TGS1: variants seen among roughly 807,000 people sequenced by gnomAD.
TGS1 encodes the protein trimethylguanosine synthase.
In TGS1, 69 loss-of-function variants were observed where a neutral mutation model predicts 92.2. That is an observed-to-expected ratio of 0.75 (90% CI 0.62 to 0.91). TGS1 has a LOEUF of 0.91. Among genes scored for constraint, TGS1 ranks in the 40% least tolerant of loss-of-function variants. The pLI is 0.00. For synonymous variants in TGS1, 345 were observed against 338.1 expected, an observed-to-expected ratio of 1.02 and a Z score of -0.22; for missense variants, 1,062 against 1,001.2, an observed-to-expected ratio of 1.06 and a Z score of -0.82.
At chr8:55,815,272 G>T (rs2130242744) in intron 12 of TGS1, among the ~76,000 whole-genome samples, 1 of 152,258 alleles carries the variant, frequency 6.6e-6, no homozygotes, top group East Asian at 1.9e-4. Flanking sequence ...AGGGAGTAAT[G>T]ACACTAGGGA....
chr8:55,787,683 G>A (rs940228354), intron 4 of TGS1, among the ~76,000 whole-genome samples: 6 of 152,186 alleles, frequency 3.9e-5, no homozygotes, highest in African/African-American at 7.2e-5. Flanking sequence ...ATCTGAGTAC[G>A]GTGCGATGAG....
intron 11 of TGS1, among the ~76,000 whole-genome samples, chr8:55,811,665 G>A (rs904288744): frequency 2.6e-5 from 4 of 152,006 alleles, no homozygotes; most frequent in African/African-American, 7.3e-5. Context: ...GGAGGCTGAG[G>A]CAGGAGAATC....
At position 55,826,301 on chromosome 8, in the gene TGS1, C is replaced by T. The variant is rs924086716; in HGVS notation, c.*1598C>T. Among the ~76,000 whole-genome samples the T allele has an allele frequency of 1.3e-4, 20 of 152,070 alleles. No homozygotes were observed. The highest frequency in any genetic ancestry group is 4.3e-4 in the African/African-American group (18 of 41,398). ...TTTTCTTACTTGTATATTAATAAAGCTAACTCATCTTCCTGAATATACATG... is the reference window on the plus strand; with the variant it reads ...TTTTCTTACTTGTATATTAATAAAGTTAACTCATCTTCCTGAATATACATG... On this transcript the variant is annotated 3_prime_UTR_variant, in exon 13 of 13. Transcript: ENST00000260129.
intron 4 of TGS1, 84 bp downstream of exon 4, chr8:55,787,144 T>C (rs1811743857): frequency 1.1e-6 from 1 of 876,044 alleles, no homozygotes; most frequent in African/African-American, 1.7e-5. Context: ...TCCTTTATTG[T>C]AGAGTTAAAT....
Position 55,803,439 on chromosome 8 carries a change from A to G in TGS1, c.1999+833A>G, listed in dbSNP as rs146996167. On this transcript the variant is annotated intron_variant, in intron 9 of 12. Transcript: ENST00000260129. Reference sequence around the variant, plus strand: ...TATCAAAATCAGAAGTTCTTGATCTATGATGGAATTTCAGGGGTTCTCTGA... The same window carrying G: ...TATCAAAATCAGAAGTTCTTGATCTGTGATGGAATTTCAGGGGTTCTCTGA... Among the ~76,000 whole-genome samples, 613 of 152,334 alleles carry G rather than the reference A, an allele frequency of 4.0e-3. 3 individuals carry two copies. Among genetic ancestry groups the G allele is most frequent in the Admixed American group, 7.1e-3 (109 of 15,306 alleles).
intron 6 of TGS1, among the ~76,000 whole-genome samples, chr8:55,794,641 CAT>C: frequency 6.6e-6 from 1 of 152,138 alleles, no homozygotes; most frequent in East Asian, 1.9e-4. Context: ...CTGCTGTGAA[CAT>C]TTGTGTATAA....
intron 6 of TGS1, among the ~76,000 whole-genome samples, chr8:55,793,349 G>T (rs1811935822): frequency 1.3e-5 from 2 of 152,250 alleles, no homozygotes; most frequent in East Asian, 3.9e-4. Context: ...AAAATTAGCT[G>T]GGTTTAGTGG....
At chr8:55,789,609 T>G (rs1444983453) in intron 4 of TGS1, among the ~76,000 whole-genome samples, 1 of 152,168 alleles carries the variant, frequency 6.6e-6, no homozygotes, top group East Asian at 1.9e-4. Context: ...CAAATTAAAT[T>G]TAATAGAGTT....
chr8:55,780,423 T>G (rs751155204), intron 1 of TGS1, among the ~76,000 whole-genome samples: 18 of 152,154 alleles, frequency 1.2e-4, no homozygotes, highest in Non-Finnish European at 2.4e-4. Context: ...GGGTCATGCC[T>G]TAGCAGGAGT....
chr8:55,807,504 G>A (rs1055008890), intron 10 of TGS1, among the ~76,000 whole-genome samples: 5 of 149,900 alleles, frequency 3.3e-5, no homozygotes, highest in Admixed American at 6.8e-5. Context: ...CATAAAGCAG[G>A]GGTTTTTTTT....
At position 55,813,382 on chromosome 8, in the gene TGS1, T is replaced by C. The variant is rs527992468; in HGVS notation, c.2439+264T>C. Among the ~76,000 whole-genome samples the C allele has an allele frequency of 3.8e-4, 58 of 152,346 alleles. 2 individuals carry two copies. In the South Asian group the frequency reaches 5.0e-3, roughly 13 times the overall value. On this transcript the variant is annotated intron_variant, in intron 12 of 12. Coordinates refer to ENST00000260129, the MANE Select transcript of TGS1 (RefSeq NM_024831.8). ...ATTGAAAGGATGATTGAATGTGTTG[T>C]GCTTCAAATGCTGCATAGTTAAACT... is the stretch of plus-strand genomic sequence containing the variant.
chr8:55,784,131 A>G (rs555980776), intron 2 of TGS1, among the ~76,000 whole-genome samples: 124 of 152,340 alleles, frequency 8.1e-4, no homozygotes, highest in African/African-American at 2.8e-3. Context: ...GCTGGAGTGC[A>G]GCCCAATGCT....
chr8:55,776,165 G>T (rs1240114442), intron 1 of TGS1, among the ~76,000 whole-genome samples: 1 of 152,178 alleles, frequency 6.6e-6, no homozygotes, highest in East Asian at 1.9e-4. Context: ...AACTCTAAGG[G>T]GGTCTGCATG....
Position 55,824,826 on chromosome 8 carries a change from G to T in TGS1, c.*123G>T. 8.9e-7 allele frequency: 1 copy of T among 1,128,692 alleles called. No individual in the cohort carries two copies. The highest frequency in any genetic ancestry group is 1.6e-5 in the African/African-American group (1 of 63,090). The allele number at this position is 1,128,692 out of a possible 1,614,324, so 69.9% of individuals were successfully genotyped here. On this transcript the variant is annotated 3_prime_UTR_variant, in exon 13 of 13. Transcript: ENST00000260129. ...ATGGTCTTATATCACCGTATGAAAT[G>T]GAAACTTACAGGACTTAAATATCAG...
intron 11 of TGS1, among the ~76,000 whole-genome samples, chr8:55,811,702 A>G (rs971090292): frequency 1.3e-5 from 2 of 152,124 alleles, no homozygotes; most frequent in Admixed American, 1.3e-4. Context: ...CCGAGGTTGC[A>G]GTGAGCTGAG....
rs1391298490 is a variant in TGS1 at position 55,821,893 on chromosome 8, T to TAAC, written c.2440-2687_2440-2685dup. Among the ~76,000 whole-genome samples the TAAC allele has an allele frequency of 6.6e-5, 10 of 151,004 alleles. No individual in the cohort carries two copies. In the East Asian group the frequency reaches 1.9e-3, roughly 29 times the overall value. The stretch of plus-strand genomic sequence containing the variant: ...CCATCTCAAAAAATAATAATAATAA[T>TAAC]AACTATATTTATAGTACCTTTATTT... On this transcript the variant is annotated intron_variant, in intron 12 of 12. Transcript: ENST00000260129.
At chr8:55,806,223 G>C (rs1812366763) in intron 10 of TGS1, among the ~76,000 whole-genome samples, 1 of 151,728 alleles carries the variant, frequency 6.6e-6, no homozygotes, top group African/African-American at 2.4e-5. Flanking sequence ...GGGCATGGTA[G>C]CGTGTGCCTG....
At chr8:55,776,367 AC>A (rs1220397875) in intron 1 of TGS1, among the ~76,000 whole-genome samples, 2 of 136,630 alleles carry the variant, frequency 1.5e-5, no homozygotes, top group Middle Eastern at 4.4e-3. Flanking sequence ...TGCAAGCTCC[AC>A]CCCCTGGGTT....
chr8:55,812,738 A>G (rs1238973529), intron 11 of TGS1, among the ~76,000 whole-genome samples: 1 of 152,158 alleles, frequency 6.6e-6, no homozygotes, highest in Non-Finnish European at 1.5e-5. Flanking sequence ...ATTAAAAATT[A>G]AAAAATAAAA....
Sources: allele counts gnomAD v4.1 joint callset (sites outside exome capture counted in the v4.1 genomes callset), GRCh38; gene constraint gnomAD v4.1.1; transcripts MANE v1.5; gene names NCBI Gene and HGNC (gene_info 2026-07-23, HGNC 2026-07-21).